PADI2: variants seen among roughly 807,000 people sequenced by gnomAD.
PADI2 encodes protein-arginine deiminase type-2.
Under a neutral mutation model 81.1 loss-of-function variants are expected in PADI2, and 70 were observed. That is an observed-to-expected ratio of 0.86 (90% CI 0.71 to 1.05). The LOEUF (loss-of-function observed/expected upper bound fraction) is 1.05, where lower values mean the gene tolerates loss of function less well. Among genes scored for constraint, PADI2 ranks in the 50% least tolerant of loss-of-function variants. The pLI is 0.00. For synonymous variants in PADI2, 338 were observed against 358.0 expected (o/e 0.94, Z 0.63); for missense variants, 853 against 889.9 (o/e 0.96, Z 0.53).
chr1:17,094,914 T>G (rs1455849543), intron 4 of PADI2, among the ~76,000 whole-genome samples: 1 of 152,180 alleles, frequency 6.6e-6, no homozygotes, highest in Non-Finnish European at 1.5e-5. Flanking sequence ...GGGCTGGCCC[T>G]GGTCTCAGGC....
intron 1 of PADI2, among the ~76,000 whole-genome samples, chr1:17,106,052 G>C (rs568745558): frequency 6.6e-6 from 1 of 152,138 alleles, no homozygotes; most frequent in Non-Finnish European, 1.5e-5. Context: ...GCTGAGTAAA[G>C]TGCTGAGTCC....
chr1:17,110,789 T>A (rs1931549627), intron 1 of PADI2, among the ~76,000 whole-genome samples: 2 of 152,198 alleles, frequency 1.3e-5, no homozygotes, highest in Admixed American at 1.3e-4. Context: ...CCTAACTCCA[T>A]CCATTTGCCC....
intron 6 of PADI2, among the ~76,000 whole-genome samples, chr1:17,089,523 G>A (rs1930596171): frequency 6.6e-6 from 1 of 152,236 alleles, no homozygotes; most frequent in Non-Finnish European, 1.5e-5. Context: ...CTGGCCAGGG[G>A]TGGTGGGGCA....
At chr1:17,111,239 C>A (rs145767179) in intron 1 of PADI2, among the ~76,000 whole-genome samples, 2 of 152,042 alleles carry the variant, frequency 1.3e-5, no homozygotes, top group Admixed American at 6.6e-5. Flanking sequence ...AGGAGCCCAC[C>A]ACCACGCCTG....
At chr1:17,117,671 G>A (rs1370189279) in intron 1 of PADI2, among the ~76,000 whole-genome samples, 1 of 152,206 alleles carries the variant, frequency 6.6e-6, no homozygotes, top group African/African-American at 2.4e-5. Context: ...ATAGCAGGGC[G>A]CCTGAGCAGG....
intron 11 of PADI2, among the ~76,000 whole-genome samples, chr1:17,077,261 A>G (rs2078310617): frequency 6.6e-6 from 1 of 152,190 alleles, no homozygotes. Context: ...ATCAGCATTC[A>G]GAATTATCTA....
chr1:17,086,473 C>A (rs1183140958), intron 7 of PADI2, 48 bp downstream of exon 7: 1 of 1,520,414 alleles, frequency 6.6e-7, no homozygotes, highest in South Asian at 1.2e-5. Context: ...GGAGACCCAC[C>A]CTGGCCCCTG....
At position 17,105,018 on chromosome 1, in the gene PADI2, C is replaced by T; in HGVS notation, c.136G>A (p.Glu46Lys). ...GAQTFSLKHSEHVWVEVVRDG... is the reference protein window; with the variant it reads ...GAQTFSLKHSKHVWVEVVRDG... Reference sequence around the variant, plus strand: ...CGCACCACCTCCACCCACACGTGTTCCGAGTGCTTCAGGCTGAAGGTTTGG... The same window carrying T: ...CGCACCACCTCCACCCACACGTGTTTCGAGTGCTTCAGGCTGAAGGTTTGG... The change falls in exon 2 of 16, where the codon GAA becomes AAA. Residue 46 changes from glutamate to lysine, a missense_variant. Transcript: ENST00000375486. 2 of 1,604,022 alleles carry T rather than the reference C, an allele frequency of 1.2e-6. No individual in the cohort carries two copies. The highest frequency in any genetic ancestry group is 1.7e-6 in the Non-Finnish European group (2 of 1,173,982).
intron 10 of PADI2, among the ~76,000 whole-genome samples, chr1:17,081,740 G>A (rs1233628662): frequency 2.0e-5 from 3 of 152,208 alleles, no homozygotes; most frequent in African/African-American, 7.2e-5. Context: ...GTTGTCAAGG[G>A]CCTAAAAGGG....
rs1174717000 is a variant in PADI2, at chr1:17,067,178, C to A, written c.*1866G>T. The A allele has an allele frequency of 7.0e-6, 1 of 142,300 alleles. No individual in the cohort carries two copies. Among genetic ancestry groups the A allele is most frequent in the Non-Finnish European group, 1.5e-5 (1 of 66,650 alleles). 8.8% of individuals were successfully genotyped at this position (142,300 alleles called of 1,614,324 possible). ...AGACACACTGTCTGCACATGGGAGGCGCTCACTTCCCCCTAATGTAGACTA... is the reference window on the plus strand; with the variant it reads ...AGACACACTGTCTGCACATGGGAGGAGCTCACTTCCCCCTAATGTAGACTA... On this transcript the variant is annotated 3_prime_UTR_variant, in exon 16 of 16. Coordinates refer to ENST00000375486, the MANE Select transcript of PADI2 (RefSeq NM_007365.3).
chr1:17,102,615 G>A (rs1218519046), intron 3 of PADI2, among the ~76,000 whole-genome samples: 2 of 152,166 alleles, frequency 1.3e-5, no homozygotes, highest in African/African-American at 4.8e-5. Flanking sequence ...ACAGCTGCTA[G>A]TTTTATAGAC....
At position 17,071,484 on chromosome 1, in the gene PADI2, A is replaced by C. The variant is rs774294993; in HGVS notation, c.1557T>G (p.Gly519=). The change falls in exon 14 of 16, where the codon GGT becomes GGG. Residue 519 remains glycine, a synonymous_variant. Transcript: ENST00000375486. The stretch of plus-strand genomic sequence containing the variant: ...TGGTGATTCGCTTGCTGCTCATCCC[A>C]CCCAAGCCTGTGGGGTTCAAAGGAC... ...HGEAIMFKGL[G]GMSSKRITIN... 2 of 1,613,336 alleles carry C rather than the reference A, an allele frequency of 1.2e-6. No individual in the cohort carries two copies. Among genetic ancestry groups the C allele is most frequent in the African/African-American group, 1.3e-5 (1 of 74,924 alleles).
chr1:17,087,419 A>G (rs1303421044), intron 6 of PADI2, among the ~76,000 whole-genome samples: 3 of 152,214 alleles, frequency 2.0e-5, no homozygotes, highest in Non-Finnish European at 4.4e-5. Flanking sequence ...CCAGAGACAA[A>G]GCCAGGGGCT....
chr1:17,083,394 C>A, intron 9 of PADI2: 1 of 253,602 alleles, frequency 3.9e-6, no homozygotes, highest in Non-Finnish European at 7.6e-6. Flanking sequence ...ATATGTTTTC[C>A]GTTGAGTAAC....
chr1:17,087,306 G>T (rs1930507383), intron 6 of PADI2, among the ~76,000 whole-genome samples: 1 of 152,116 alleles, frequency 6.6e-6, no homozygotes, highest in African/African-American at 2.4e-5. Flanking sequence ...CCTCCTGAAA[G>T]CTCCCAGTTT....
At chr1:17,096,944 T>C (rs1304423997) in intron 3 of PADI2, among the ~76,000 whole-genome samples, 3 of 152,222 alleles carry the variant, frequency 2.0e-5, no homozygotes, top group Admixed American at 6.5e-5. Flanking sequence ...CACTCCTGGC[T>C]TCTACCTACC....
At position 17,068,761 on chromosome 1, in the gene PADI2, T is replaced by G; in HGVS notation, c.*283A>C. The G allele has an allele frequency of 7.2e-6, 3 of 414,332 alleles. No individual in the cohort carries two copies. Among genetic ancestry groups the G allele is most frequent in the South Asian group, 3.3e-5 (1 of 30,470 alleles). 25.7% of individuals were successfully genotyped at this position (414,332 alleles called of 1,614,324 possible). ...TTCTTTGGGGAGCAGTTTGGGCACA[T>G]GGTTTGCTGTGTTTTGTTGTGTTCT... On this transcript the variant is annotated 3_prime_UTR_variant, in exon 16 of 16. Coordinates refer to ENST00000375486, the MANE Select transcript of PADI2 (RefSeq NM_007365.3).
intron 9 of PADI2, chr1:17,083,206 G>A (rs2746526): frequency 0.031 from 4,856 of 157,070 alleles, 267 homozygotes; most frequent in African/African-American, 0.11. Context: ...ATAACCAGGC[G>A]TGGTGGTGCA....
At chr1:17,088,925 A>ACAAAAC (rs1553182380) in intron 6 of PADI2, among the ~76,000 whole-genome samples, 4 of 83,360 alleles carry the variant, frequency 4.8e-5, no homozygotes, top group African/African-American at 2.1e-4. Context: ...AAAAAAAAAA[A>ACAAAAC]AAAAAACCAA....
Sources: allele counts gnomAD v4.1 joint callset (sites outside exome capture counted in the v4.1 genomes callset), GRCh38; gene constraint gnomAD v4.1.1; transcripts MANE v1.5; gene names NCBI Gene and HGNC (gene_info 2026-07-23, HGNC 2026-07-21).